PCDH15: variants seen among roughly 807,000 people sequenced by gnomAD.
PCDH15 encodes the protein protocadherin-15.
PCDH15 carries 129 observed loss-of-function variants against 178.5 expected under a neutral mutation model. That is an observed-to-expected ratio of 0.72 (90% CI 0.63 to 0.84). PCDH15 has a LOEUF of 0.84. Among genes scored for constraint, PCDH15 ranks in the 40% least tolerant of loss-of-function variants. PCDH15 has a pLI of 0.00. For synonymous variants in PCDH15, 800 were observed against 732.0 expected (o/e 1.09, Z -1.50); for missense variants, 2,230 against 2,099.9 (o/e 1.06, Z -1.21).
intron 3 of PCDH15, among the ~76,000 whole-genome samples, chr10:54,838,433 C>T (rs1293223525): frequency 6.6e-6 from 1 of 152,112 alleles, no homozygotes; most frequent in Non-Finnish European, 1.5e-5. Flanking sequence ...TTTGCTTCTC[C>T]TTCATCTTCT....
At chr10:54,313,117 A>G (rs1028403128) in intron 8 of PCDH15, among the ~76,000 whole-genome samples, 8 of 152,094 alleles carry the variant, frequency 5.3e-5, no homozygotes, top group Non-Finnish European at 2.9e-5. Flanking sequence ...TAAAAGAGTA[A>G]TTGTTCAAAA....
At chr10:53,991,222 G>A (rs2091457632) in intron 21 of PCDH15, among the ~76,000 whole-genome samples, 1 of 152,186 alleles carries the variant, frequency 6.6e-6, no homozygotes, top group Non-Finnish European at 1.5e-5. Context: ...CTGGCAGGCA[G>A]CTCTGCCTGC....
At chr10:54,992,197 T>C (rs561452665) in intron 2 of PCDH15, among the ~76,000 whole-genome samples, 1 of 152,306 alleles carries the variant, frequency 6.6e-6, no homozygotes, top group African/African-American at 2.4e-5. Flanking sequence ...GAGAAATCCA[T>C]CTTCACTTCT....
intron 1 of PCDH15, among the ~76,000 whole-genome samples, chr10:54,711,321 T>C (rs1322743770): frequency 2.0e-5 from 3 of 151,964 alleles, no homozygotes; most frequent in African/African-American, 4.8e-5. Context: ...TGATAACATA[T>C]CTTTTGAATG....
At chr10:54,285,135 T>C (rs1207571161) in intron 8 of PCDH15, among the ~76,000 whole-genome samples, 2 of 152,164 alleles carry the variant, frequency 1.3e-5, no homozygotes, top group South Asian at 2.1e-4. Flanking sequence ...GTTATACTTG[T>C]TTGGAATTCA....
intron 15 of PCDH15, among the ~76,000 whole-genome samples, chr10:54,097,150 C>T (rs2094714760): frequency 6.6e-6 from 1 of 152,094 alleles, no homozygotes; most frequent in African/African-American, 2.4e-5. Context: ...AGACCATTTT[C>T]AATGCAGCAT....
At chr10:54,208,187 T>G (rs1384612972) in intron 10 of PCDH15, among the ~76,000 whole-genome samples, 1 of 152,096 alleles carries the variant, frequency 6.6e-6, no homozygotes, top group Non-Finnish European at 1.5e-5. Context: ...AGATTGCTAT[T>G]TCATTACTAA....
chr10:54,902,976 T>C lies in PCDH15; in HGVS notation c.-79-5476A>G, dbSNP rs866260611. The stretch of plus-strand genomic sequence containing the variant: ...CTAATTAGGGGGATTATCATCACAA[T>C]GTATATAATATGGAACCTAGCCTGT... On this transcript the variant is annotated intron_variant, in intron 2 of 5. Transcript: ENST00000458638. Among the ~76,000 whole-genome samples, 51 of 152,306 alleles carry C rather than the reference T, an allele frequency of 3.3e-4. 1 individual carries two copies. Among genetic ancestry groups the C allele is most frequent in the Admixed American group, 2.2e-3 (34 of 15,300 alleles).
intron 2 of PCDH15, among the ~76,000 whole-genome samples, chr10:54,626,360 G>A (rs1456343330): frequency 6.6e-6 from 1 of 152,142 alleles, no homozygotes; most frequent in Non-Finnish European, 1.5e-5. Flanking sequence ...TATACCACAG[G>A]CCTGGAAGAC....
chr10:55,231,603 A>T (rs1841226273), intron 1 of PCDH15, among the ~76,000 whole-genome samples: 3 of 152,030 alleles, frequency 2.0e-5, no homozygotes, highest in African/African-American at 7.3e-5. Flanking sequence ...TCCATTAAGG[A>T]TAGGAAATTA....
At chr10:54,649,120 G>A (rs1383749693) in intron 2 of PCDH15, among the ~76,000 whole-genome samples, 1 of 152,110 alleles carries the variant, frequency 6.6e-6, no homozygotes, top group Non-Finnish European at 1.5e-5. Context: ...CTGATGTCAG[G>A]AACAGCCACT....
At chr10:54,898,254 A>T (rs1237384623) in intron 2 of PCDH15, among the ~76,000 whole-genome samples, 2 of 152,188 alleles carry the variant, frequency 1.3e-5, no homozygotes, top group Admixed American at 6.6e-5. Context: ...GAACAACCTA[A>T]CACATAGTAC....
intron 8 of PCDH15, among the ~76,000 whole-genome samples, chr10:54,306,116 C>A (rs1374439036): frequency 6.7e-6 from 1 of 150,356 alleles, no homozygotes; most frequent in Non-Finnish European, 1.5e-5. Context: ...CTGGTAGACA[C>A]CCATAGTAAG....
At chr10:54,210,370 C>A (rs7893284) in intron 10 of PCDH15, among the ~76,000 whole-genome samples, 134,237 of 152,102 alleles carry the variant, frequency 0.88, 59,331 homozygotes, top group East Asian at 0.98. Flanking sequence ...GTTTATTAAG[C>A]AGCTTCTATG....
intron 2 of PCDH15, among the ~76,000 whole-genome samples, chr10:54,555,195 C>T (rs2087046300): frequency 6.6e-6 from 1 of 152,130 alleles, no homozygotes; most frequent in Non-Finnish European, 1.5e-5. Context: ...ATATAGTTTA[C>T]AGACCCTGCC....
chr10:55,029,287 T>C (rs937871965), intron 2 of PCDH15, among the ~76,000 whole-genome samples: 1 of 152,208 alleles, frequency 6.6e-6, no homozygotes, highest in African/African-American at 2.4e-5. Context: ...GTATCTGTTA[T>C]GTTTTATATA....
Position 55,583,622 on chromosome 10 carries a change from C to T in PCDH15, c.-156+44003G>A, listed in dbSNP as rs543663885. ...CTAATTTTTGTATTTTTAGTAGAGA[C>T]AGAGTTTTGCCATGTTGCCCAGGCT... On this transcript the variant is annotated intron_variant, in intron 2 of 5. Transcript: ENST00000613346. 2.2e-3 allele frequency among the ~76,000 whole-genome samples: 337 copies of T among 152,054 alleles called. 4 individuals are homozygous for T. The highest frequency in any genetic ancestry group is 3.4e-3 in the Non-Finnish European group (230 of 67,972).
intron 2 of PCDH15, among the ~76,000 whole-genome samples, chr10:55,328,555 T>C (rs959774807): frequency 1.8e-4 from 28 of 151,660 alleles, no homozygotes; most frequent in Non-Finnish European, 3.7e-4. Flanking sequence ...AGTCCATCAT[T>C]GGCATCATTA....
intron 18 of PCDH15, among the ~76,000 whole-genome samples, chr10:54,035,937 G>A (rs941415255): frequency 1.3e-5 from 2 of 151,920 alleles, no homozygotes; most frequent in African/African-American, 4.8e-5. Context: ...CTGATGTGAA[G>A]AAAGTTTGAG....
Sources: allele counts gnomAD v4.1 joint callset (sites outside exome capture counted in the v4.1 genomes callset), GRCh38; gene constraint gnomAD v4.1.1; transcripts MANE v1.5; gene names NCBI Gene and HGNC (gene_info 2026-07-23, HGNC 2026-07-21).